Variants in KCNQ1 observed in about 807,000 individuals in gnomAD.
The protein encoded by KCNQ1 is potassium voltage-gated channel subfamily KQT member 1.
Under a neutral mutation model 72.4 loss-of-function variants are expected in KCNQ1, and 49 were observed. That is an observed-to-expected ratio of 0.68 (90% CI 0.54 to 0.86). The LOEUF is 0.86. Ranked by LOEUF, KCNQ1 falls within the 40% of genes least tolerant of loss-of-function variation. The probability of loss-of-function intolerance (pLI) is 0.00; values close to 1 mark genes in which losing one functional copy is unlikely to be tolerated. For synonymous variants in KCNQ1, 450 were observed against 412.6 expected, an observed-to-expected ratio of 1.09 and a Z score of -1.10; for missense variants, 790 against 945.1, an observed-to-expected ratio of 0.84 and a Z score of 2.15.
intron 15 of KCNQ1, among the ~76,000 whole-genome samples, chr11:2,847,040 A>G (rs1379218159): frequency 6.6e-6 from 1 of 152,184 alleles, no homozygotes; most frequent in Non-Finnish European, 1.5e-5. Flanking sequence ...CTGGGAAAAT[A>G]GTGGTGTCCC....
At position 2,657,592 on chromosome 11, in the gene KCNQ1, A is replaced by G. The variant is rs778357387; in HGVS notation, c.1394-4369A>G. On this transcript the variant is annotated intron_variant, in intron 10 of 15. Coordinates refer to ENST00000155840, the MANE Select transcript of KCNQ1 (RefSeq NM_000218.3). This position sits in a 1 kb window ranked among gnomAD's most constrained non-coding sequence, Gnocchi z 4.8. ...CATCTTATATAACCATGGTACATTG[A>G]CCAAAACTAAAAAATTAACATTGGT... The G allele has an allele frequency of 1.3e-5, 5 of 398,608 alleles. No individual in the cohort carries two copies. The highest frequency in any genetic ancestry group is 2.2e-5 in the Non-Finnish European group (5 of 226,056). The allele number at this position is 398,608 out of a possible 1,614,324, so 24.7% of individuals were successfully genotyped here. A position where few individuals can be genotyped will look rare whatever the true frequency, so the allele number is the denominator to read the frequency against.
In KCNQ1 at chr11:2,683,081, G is replaced by A; in HGVS notation, c.1514+21000G>A. On this transcript the variant is annotated intron_variant, in intron 11 of 15. Coordinates refer to ENST00000155840, the MANE Select transcript of KCNQ1 (RefSeq NM_000218.3). The surrounding 1 kb of genome is among the most constrained non-coding windows in gnomAD (Gnocchi z 4.7). The stretch of plus-strand genomic sequence containing the variant: ...AGGCTCTTGCTAGCCTGAGGACCAG[G>A]AGCCTTCAGATTTTCTTGTTCCCAG... 1 of 398,578 alleles carries A rather than the reference G, an allele frequency of 2.5e-6. No homozygotes were observed. Among genetic ancestry groups the A allele is most frequent in the Non-Finnish European group, 4.4e-6 (1 of 226,122 alleles). The allele number at this position is 398,578 out of a possible 1,614,324, so 24.7% of individuals were successfully genotyped here.
chr11:2,583,372 G>T, intron 6 of KCNQ1, 63 bp from the exon 7 acceptor site: 4 of 1,160,740 alleles, frequency 3.4e-6, no homozygotes, highest in Admixed American at 3.4e-5. Flanking sequence ...GTTTGGGTTA[G>T]GCAGTTGGCC....
In KCNQ1 at chr11:2,612,740, T is replaced by G. The variant is rs114547209; in HGVS notation, c.1393+23886T>G. On this transcript the variant is annotated intron_variant, in intron 10 of 15. Transcript: ENST00000155840. The surrounding 1 kb of genome is among the most constrained non-coding windows in gnomAD (Gnocchi z 5.5). ...CCTAACATTTGGGGCCCTTCAGAGA[T>G]AATTCCTATTTATTGCTCATTATTC... 2,176 of 398,602 alleles carry G rather than the reference T, an allele frequency of 5.5e-3. 31 individuals are homozygous for G. Among genetic ancestry groups the G allele is most frequent in the African/African-American group, 0.034 (1,679 of 48,742 alleles). 24.7% of individuals were successfully genotyped at this position (398,602 alleles called of 1,614,324 possible). A position where few individuals can be genotyped will look rare whatever the true frequency, so the allele number is the denominator to read the frequency against.
At chr11:2,717,495 C>G (rs563010571) in intron 11 of KCNQ1, among the ~76,000 whole-genome samples, 67 of 152,300 alleles carry the variant, frequency 4.4e-4, no homozygotes, top group African/African-American at 1.5e-3. Context: ...ACCCTTTTCC[C>G]TGGCTTTCTT....
At chr11:2,771,930 A>G (rs1315621362) in intron 12 of KCNQ1, among the ~76,000 whole-genome samples, 1 of 152,206 alleles carries the variant, frequency 6.6e-6, no homozygotes, top group Non-Finnish European at 1.5e-5. Flanking sequence ...TTCCTGAAGC[A>G]GACTGGGAAA....
At chr11:2,459,965 A>G (rs534003302) in intron 1 of KCNQ1, among the ~76,000 whole-genome samples, 1 of 152,304 alleles carries the variant, frequency 6.6e-6, no homozygotes, top group African/African-American at 2.4e-5. Flanking sequence ...ACTGAATTTA[A>G]TAGTAGCTGA....
rs1027006499 is a variant in KCNQ1, at chr11:2,550,834, G to C, written c.478-19794G>C. 3.3e-5 allele frequency among the ~76,000 whole-genome samples: 5 copies of C among 152,024 alleles called. No homozygotes were observed. Among genetic ancestry groups the C allele is most frequent in the Admixed American group, 6.5e-5 (1 of 15,276 alleles). ...GGCTTCACCTAGCACCTGGCTCCCC[G>C]GGGGCCCAGATGGCAGGCGAGGGGT... On this transcript the variant is annotated intron_variant, in intron 2 of 15. Coordinates refer to ENST00000155840, the MANE Select transcript of KCNQ1 (RefSeq NM_000218.3). The surrounding 1 kb of genome is among the most constrained non-coding windows in gnomAD (Gnocchi z 6.0).
intron 11 of KCNQ1, among the ~76,000 whole-genome samples, chr11:2,753,013 C>G (rs1012886162): frequency 1.3e-5 from 2 of 152,174 alleles, no homozygotes; most frequent in African/African-American, 4.8e-5. Flanking sequence ...AACAATCTCA[C>G]AAAGACGTAA....
rs993106234 is a variant in KCNQ1 at position 2,562,781 on chromosome 11, GC to G, written c.478-7845del. 6.6e-6 allele frequency among the ~76,000 whole-genome samples: 1 copy of G among 152,190 alleles called. No individual in the cohort carries two copies. The highest frequency in any genetic ancestry group is 2.4e-5 in the African/African-American group (1 of 41,438). ...CTAAGTCTATGGGGGCGCCAGGGAG[GC>G]CGGCTGTGTTTCTGCATCCTTGACC... On this transcript the variant is annotated intron_variant, in intron 2 of 15. Coordinates refer to ENST00000155840, the MANE Select transcript of KCNQ1 (RefSeq NM_000218.3). The surrounding 1 kb of genome is among the most constrained non-coding windows in gnomAD (Gnocchi z 7.5).
intron 15 of KCNQ1, among the ~76,000 whole-genome samples, chr11:2,825,373 G>A (rs975035468): frequency 2.6e-5 from 4 of 152,212 alleles, no homozygotes; most frequent in Non-Finnish European, 5.9e-5. Flanking sequence ...GTCCTTCCAG[G>A]GAAATGGGCG....
rs1474143116 is a variant in KCNQ1 at position 2,750,810 on chromosome 11, A to G, written c.1515-18034A>G. Among the ~76,000 whole-genome samples the G allele has an allele frequency of 6.6e-6, 1 of 152,128 alleles. No individual in the cohort carries two copies. Among genetic ancestry groups the G allele is most frequent in the South Asian group, 2.1e-4 (1 of 4,830 alleles). On this transcript the variant is annotated intron_variant, in intron 11 of 15. Transcript: ENST00000155840. The surrounding 1 kb of genome is among the most constrained non-coding windows in gnomAD (Gnocchi z 6.3). The stretch of plus-strand genomic sequence containing the variant: ...ACTTTTCTTGTTTTCTTTCTCCGGC[A>G]TGCTGGAAGCCGGCCAACTCGCCAG...
At position 2,588,665 on chromosome 11, in the gene KCNQ1, G is replaced by A; in HGVS notation, c.1252-48G>A. ...GCACTCTGGGGCCGGCGTAGGGCCT[G>A]GCAGACGATGTCCAGGAACCGCTAA... On this transcript the variant is annotated intron_variant, in intron 9 of 15. Transcript: ENST00000155840. The surrounding 1 kb of genome is among the most constrained non-coding windows in gnomAD (Gnocchi z 5.6). The A allele has an allele frequency of 6.2e-7, 1 of 1,610,210 alleles. No individual in the cohort carries two copies.
chr11:2,775,877 GC>G (rs1436205638), intron 12 of KCNQ1, 82 bp from the exon 13 acceptor site: 3 of 1,364,688 alleles, frequency 2.2e-6, no homozygotes, highest in Non-Finnish European at 3.1e-6. Context: ...CCTCCCGAGG[GC>G]AGACACTGTC....
intron 11 of KCNQ1, chr11:2,672,824 C>G (rs767975645): frequency 5.0e-6 from 2 of 398,832 alleles, no homozygotes; most frequent in Non-Finnish European, 8.8e-6. Flanking sequence ...CAAGTGACCC[C>G]AACTCTGGGT....
chr11:2,616,982 A>G, intron 10 of KCNQ1: 1 of 397,830 alleles, frequency 2.5e-6, no homozygotes, highest in East Asian at 3.6e-5. Context: ...TTTTAATTTT[A>G]AAAATATGCA....
chr11:2,478,400 T>C lies in KCNQ1; in HGVS notation c.386+32916T>C, dbSNP rs1196440435. On this transcript the variant is annotated intron_variant, in intron 1 of 15. Transcript: ENST00000155840. The surrounding 1 kb of genome is among the most constrained non-coding windows in gnomAD (Gnocchi z 4.0). Reference sequence around the variant, plus strand: ...TAATTTATAAAGGGAAGAGGTTTAATTGACTCACAGTTCCACATGGCTGGG... The same window carrying C: ...TAATTTATAAAGGGAAGAGGTTTAACTGACTCACAGTTCCACATGGCTGGG... Among the ~76,000 whole-genome samples the C allele has an allele frequency of 6.6e-6, 1 of 152,182 alleles. No individual in the cohort carries two copies. The highest frequency in any genetic ancestry group is 1.5e-5 in the Non-Finnish European group (1 of 68,026).
chr11:2,479,417 A>G lies in KCNQ1; in HGVS notation c.386+33933A>G, dbSNP rs1846621051. Among the ~76,000 whole-genome samples the G allele has an allele frequency of 6.6e-6, 1 of 152,218 alleles. No homozygotes were observed. The highest frequency in any genetic ancestry group is 2.1e-4 in the South Asian group (1 of 4,832). ...CTCTGAAATCTAGGCAGAGCTTTCC[A>G]TACCTCAATTCTTGACTTCTGTGCA... On this transcript the variant is annotated intron_variant, in intron 1 of 15. Transcript: ENST00000155840. The surrounding 1 kb of genome is among the most constrained non-coding windows in gnomAD (Gnocchi z 4.6).
intron 1 of KCNQ1, among the ~76,000 whole-genome samples, chr11:2,448,162 G>C (rs891147734): frequency 6.6e-6 from 1 of 152,238 alleles, no homozygotes; most frequent in Non-Finnish European, 1.5e-5. Context: ...TTAGCCAGGG[G>C]TGTGGACATC....
Sources: allele counts gnomAD v4.1 joint callset (sites outside exome capture counted in the v4.1 genomes callset), GRCh38; gene constraint gnomAD v4.1.1; non-coding constraint Gnocchi (gnomAD v3.1); transcripts MANE v1.5; gene names NCBI Gene and HGNC (gene_info 2026-07-23, HGNC 2026-07-21).